Variants in EIF3B observed in about 807,000 individuals in gnomAD.
The protein encoded by EIF3B is eukaryotic translation initiation factor 3 subunit 9.
Under a neutral mutation model 104.6 loss-of-function variants are expected in EIF3B, and 10 were observed. The observed-to-expected ratio is 0.10, with a 90% confidence interval of 0.06 to 0.16. EIF3B has a LOEUF of 0.16. Among genes scored for constraint, EIF3B ranks in the 10% least tolerant of loss-of-function variants. The pLI is 1.00. For missense variants in EIF3B, 1,014 were observed against 1,087.9 expected (o/e 0.93, Z 0.96); for synonymous variants, 542 against 417.2 (o/e 1.30, Z -3.65).
chr7:2,357,927 G>A (rs981559881), intron 1 of EIF3B, among the ~76,000 whole-genome samples: 14 of 152,108 alleles, frequency 9.2e-5, no homozygotes, highest in Admixed American at 2.0e-4. Flanking sequence ...TTAATTGTAT[G>A]GTAAGTGCTT....
intron 1 of EIF3B, among the ~76,000 whole-genome samples, chr7:2,359,336 C>T (rs927736462): frequency 1.3e-5 from 2 of 152,100 alleles, no homozygotes; most frequent in African/African-American, 2.4e-5. Context: ...TAGGTCTCCC[C>T]CTGCCACCCA....
intron 1 of EIF3B, among the ~76,000 whole-genome samples, chr7:2,356,839 A>G (rs1436211996): frequency 3.9e-5 from 6 of 151,962 alleles, no homozygotes; most frequent in Non-Finnish European, 5.9e-5. Flanking sequence ...TACTGTGACC[A>G]TTACTATATT....
At chr7:2,363,501 G>A (rs1279200345) in intron 4 of EIF3B, 131 bp from the exon 5 acceptor site, 2 of 812,136 alleles carry the variant, frequency 2.5e-6, no homozygotes, top group Non-Finnish European at 3.8e-6. Flanking sequence ...ACGGTGTCTT[G>A]ACTTGAGGTT....
Position 2,363,727 on chromosome 7 carries a change from C to T in EIF3B, c.966C>T (p.Asp322=), listed in dbSNP as rs945733263. 3.7e-6 allele frequency: 6 copies of T among 1,613,942 alleles called. No homozygotes were observed. Among genetic ancestry groups the T allele is most frequent in the Non-Finnish European group, 1.7e-6 (2 of 1,179,970 alleles). ...SGDRTSIFWN[D]VKDPVSIEER... ...ACCGCACTTCCATATTCTGGAATGA[C>T]GTAAAAGACCCTGTCTCAATTGAAG... The change falls in exon 5 of 19, where the codon GAC becomes GAT. Residue 322 remains aspartate, a synonymous_variant. Coordinates refer to ENST00000360876, the MANE Select transcript of EIF3B (RefSeq NM_001037283.2).
intron 1 of EIF3B, among the ~76,000 whole-genome samples, chr7:2,357,244 C>T (rs765765453): frequency 1.3e-5 from 2 of 152,164 alleles, no homozygotes; most frequent in Non-Finnish European, 2.9e-5. Context: ...GTTGGCCAGG[C>T]TGGGTGACGG....
chr7:2,358,670 G>C (rs1779582360), intron 1 of EIF3B, among the ~76,000 whole-genome samples: 1 of 151,932 alleles, frequency 6.6e-6, no homozygotes, highest in South Asian at 2.1e-4. Flanking sequence ...GGAATTACAG[G>C]CACCCACCAC....
At chr7:2,373,756 C>G (rs193030895) in intron 12 of EIF3B, 1 of 152,228 alleles carries the variant, frequency 6.6e-6, no homozygotes, top group Non-Finnish European at 1.5e-5. Flanking sequence ...TCCAAACATG[C>G]TGCGTGACAC....
chr7:2,358,050 C>T (rs1779546313), intron 1 of EIF3B, among the ~76,000 whole-genome samples: 1 of 151,844 alleles, frequency 6.6e-6, no homozygotes, highest in Admixed American at 6.6e-5. Context: ...ATTTTAGCAT[C>T]GTTGAAAATA....
chr7:2,374,330 T>C (rs1780521115), intron 12 of EIF3B, 198 bp from the exon 13 acceptor site: 3 of 510,608 alleles, frequency 5.9e-6, no homozygotes, highest in Non-Finnish European at 1.1e-5. Flanking sequence ...GCATCTTCTT[T>C]TTTTTCCCAT....
intron 16 of EIF3B, 61 bp downstream of exon 16, chr7:2,378,827 G>A (rs145191625): frequency 6.9e-7 from 1 of 1,453,734 alleles, no homozygotes; most frequent in East Asian, 2.3e-5. Flanking sequence ...GCAAAGGCGG[G>A]GCTGCGGGGA....
chr7:2,364,242 ACAGC>A (rs1259517961), intron 5 of EIF3B, 126 bp from the exon 6 acceptor site: 2 of 812,778 alleles, frequency 2.5e-6, no homozygotes, highest in Non-Finnish European at 3.8e-6. Context: ...AGCCTGGGAG[ACAGC>A]GAGACTCCGT....
chr7:2,361,151 T>G (rs1171279370), intron 2 of EIF3B, among the ~76,000 whole-genome samples: 1 of 152,188 alleles, frequency 6.6e-6, no homozygotes, highest in Non-Finnish European at 1.5e-5. Context: ...GGCTTATGCA[T>G]AAACTCCCAA....
chr7:2,355,487 A>T, intron 1 of EIF3B, 67 bp downstream of exon 1: 1 of 1,393,576 alleles, frequency 7.2e-7, no homozygotes, highest in Non-Finnish European at 9.3e-7. Flanking sequence ...GAGGTGGGAG[A>T]TATCGTCGGG....
chr7:2,378,434 G>A lies in EIF3B; in HGVS notation c.2155-255G>A, dbSNP rs879008041. The stretch of plus-strand genomic sequence containing the variant: ...GGGTGTCATGGAGGAAGGAGCAGGC[G>A]CGAGCGCTCCTGGGAAGCTGTGTTG... On this transcript the variant is annotated intron_variant, in intron 15 of 18. Transcript: ENST00000360876. 2.8e-4 allele frequency: 93 copies of A among 330,400 alleles called. 1 individual carries two copies. Among genetic ancestry groups the A allele is most frequent in the South Asian group, 1.5e-3 (56 of 36,988 alleles). 20.5% of individuals were successfully genotyped at this position (330,400 alleles called of 1,614,324 possible).
intron 11 of EIF3B, 26 bp from the exon 12 acceptor site, chr7:2,372,647 G>A (rs1477696136): frequency 6.2e-7 from 1 of 1,609,816 alleles, no homozygotes; most frequent in Admixed American, 1.7e-5. Context: ...GACCAAAAAG[G>A]GAGGGGTCTG....
In EIF3B at chr7:2,362,770, T is replaced by C. The variant is rs754796959; in HGVS notation, c.812+6T>C. 2 of 1,614,044 alleles carry C rather than the reference T, an allele frequency of 1.2e-6. No homozygotes were observed. Among genetic ancestry groups the C allele is most frequent in the South Asian group, 2.2e-5 (2 of 91,070 alleles). On this transcript the variant is annotated splice_donor_region_variant and intron_variant, in intron 3 of 18. Transcript: ENST00000360876. ...CTCTTTACGGATTTTGACAAGTGAG[T>C]TCAGACTTGGCCACAAGGAAGTGGA...
chr7:2,360,970 A>G (rs1779694715), intron 2 of EIF3B, 68 bp downstream of exon 2: 1 of 1,339,332 alleles, frequency 7.5e-7, no homozygotes, highest in South Asian at 1.3e-5. Flanking sequence ...GTGTTGCAGG[A>G]GATCCTTACT....
At chr7:2,378,082 C>G (rs867450829) in intron 15 of EIF3B, 311 of 25,624 alleles carry the variant, frequency 0.012, 3 homozygotes, top group Non-Finnish European at 0.014. Flanking sequence ...ATGCTGTGTT[C>G]TGTGAATGAC....
intron 1 of EIF3B, among the ~76,000 whole-genome samples, chr7:2,358,236 A>G (rs759609880): frequency 6.6e-6 from 1 of 152,078 alleles, no homozygotes; most frequent in African/African-American, 2.4e-5. Flanking sequence ...AGCATGTGCC[A>G]CCATGCCTGG....
Sources: gnomAD v4.1 joint callset for allele counts (sites outside exome capture counted in the v4.1 genomes callset) on GRCh38, gnomAD v4.1.1 for gene constraint, MANE v1.5 for transcripts, NCBI Gene and HGNC (gene_info 2026-07-23, HGNC 2026-07-21) for gene names.